The following GDAP1 variants were observed in gnomAD, a reference collection of about 807,000 sequenced individuals.
GDAP1 encodes the protein ganglioside-induced differentiation-associated protein 1.
Under a neutral mutation model 40.1 loss-of-function variants are expected in GDAP1, and 34 were observed. The observed-to-expected ratio is 0.85, with a 90% confidence interval of 0.64 to 1.13. GDAP1 has a LOEUF of 1.13. GDAP1 is among the 50% of genes most tolerant of loss of function. GDAP1 has a pLI of 0.00. For missense variants in GDAP1, 374 were observed against 433.7 expected (o/e 0.86, Z 1.22); for synonymous variants, 170 against 157.4 (o/e 1.08, Z -0.60).
intron 2 of GDAP1, among the ~76,000 whole-genome samples, chr8:74,390,436 T>A (rs1170654920): frequency 2.6e-5 from 4 of 152,236 alleles, no homozygotes; most frequent in Non-Finnish European, 5.9e-5. Flanking sequence ...CAGTCAGGAC[T>A]GTCTGCTGCA....
chr8:74,362,293 C>T (rs978258090), intron 4 of GDAP1, among the ~76,000 whole-genome samples: 2 of 152,170 alleles, frequency 1.3e-5, no homozygotes, highest in Non-Finnish European at 2.9e-5. Flanking sequence ...CCTCGCTAGA[C>T]CTACATCCCT....
intron 2 of GDAP1, among the ~76,000 whole-genome samples, chr8:74,431,493 A>T (rs1249508657): frequency 4.6e-5 from 7 of 151,068 alleles, no homozygotes; most frequent in African/African-American, 1.7e-4. Context: ...TTATTTATTT[A>T]TTTTTTGAGA....
At chr8:74,458,411 G>A (rs531337862) in intron 2 of GDAP1, among the ~76,000 whole-genome samples, 1 of 152,292 alleles carries the variant, frequency 6.6e-6, no homozygotes, top group South Asian at 2.1e-4. Flanking sequence ...GTTTACAGTT[G>A]TTGGCCCATG....
intron 2 of GDAP1, among the ~76,000 whole-genome samples, chr8:74,406,151 T>C (rs1422035650): frequency 6.7e-6 from 1 of 150,292 alleles, no homozygotes; most frequent in Non-Finnish European, 1.5e-5. Context: ...CCTGACCTTG[T>C]CTTAGTTTAA....
chr8:74,350,480 G>C lies in GDAP1; in HGVS notation c.19G>C (p.Glu7Gln). The change falls in exon 1 of 6, where the codon GAG becomes CAG. Residue 7 changes from glutamate (E) to glutamine (Q), a missense_variant. Coordinates refer to ENST00000220822, the MANE Select transcript of GDAP1 (RefSeq NM_018972.4). ...CCCCAAGATGGCTGAGAGGCAGGAA[G>C]AGCAGAGAGGGAGCCCGCCCTTGAG... Reference protein sequence around the residue: MAERQEEQRGSPPLRAE... With the variant: MAERQEQQRGSPPLRAE... 1 of 1,611,820 alleles carries C rather than the reference G, an allele frequency of 6.2e-7. No individual in the cohort carries two copies. The highest frequency in any genetic ancestry group is 8.5e-7 in the Non-Finnish European group (1 of 1,178,354).
intron 2 of GDAP1, among the ~76,000 whole-genome samples, chr8:74,488,462 T>C (rs1806803067): frequency 6.6e-6 from 1 of 152,142 alleles, no homozygotes; most frequent in Non-Finnish European, 1.5e-5. Context: ...AAGAATGACA[T>C]TTCTTGGACT....
chr8:74,475,166 G>A (rs1001559699), intron 2 of GDAP1, among the ~76,000 whole-genome samples: 4 of 151,396 alleles, frequency 2.6e-5, no homozygotes, highest in Non-Finnish European at 5.9e-5. Context: ...TGATCTTCTT[G>A]CTTTTCTTTT....
At chr8:74,473,483 G>A (rs1344884387) in intron 2 of GDAP1, among the ~76,000 whole-genome samples, 1 of 152,128 alleles carries the variant, frequency 6.6e-6, no homozygotes, top group Non-Finnish European at 1.5e-5. Flanking sequence ...TATGGTGTAT[G>A]GAAAGGGTTC....
intron 2 of GDAP1, among the ~76,000 whole-genome samples, chr8:74,467,851 A>G (rs936502992): frequency 1.3e-5 from 2 of 152,206 alleles, no homozygotes; most frequent in Non-Finnish European, 2.9e-5. Flanking sequence ...ATACACACAC[A>G]TACCGTAAAA....
intron 2 of GDAP1, among the ~76,000 whole-genome samples, chr8:74,371,906 A>C: frequency 6.6e-6 from 1 of 151,390 alleles, no homozygotes; most frequent in Non-Finnish European, 1.5e-5. Flanking sequence ...TATATCTCCT[A>C]ATGCTACCCC....
At position 74,439,030 on chromosome 8, in the gene GDAP1, A is replaced by G. The variant is rs1467959070; in HGVS notation, c.166-49648A>G. On this transcript the variant is annotated intron_variant, in intron 2 of 2. Coordinates refer to the GDAP1 transcript ENST00000523640. ...CATACGTGTGTGTATGTGTATGTGT[A>G]TATATATGTGTGTGTGTGTGTGTGT... Among the ~76,000 whole-genome samples, 4 of 124,458 alleles carry G rather than the reference A, an allele frequency of 3.2e-5. No homozygotes were observed. In the East Asian group the frequency reaches 7.3e-4, roughly 23 times the overall value. 81.6% of individuals were successfully genotyped at this position (124,458 alleles called of 152,430 possible).
intron 2 of GDAP1, among the ~76,000 whole-genome samples, chr8:74,455,595 C>T (rs1214628016): frequency 2.0e-5 from 3 of 151,890 alleles, no homozygotes; most frequent in African/African-American, 7.2e-5. Context: ...CATTTGAGTT[C>T]AGGCTTTGAA....
At chr8:74,464,803 T>C (rs1806447649) in intron 2 of GDAP1, among the ~76,000 whole-genome samples, 1 of 152,230 alleles carries the variant, frequency 6.6e-6, no homozygotes, top group Non-Finnish European at 1.5e-5. Context: ...TAATTTCATA[T>C]TCAAACCTAA....
At chr8:74,405,285 G>A (rs1805624593) in intron 2 of GDAP1, among the ~76,000 whole-genome samples, 1 of 150,104 alleles carries the variant, frequency 6.7e-6, no homozygotes, top group African/African-American at 2.5e-5. Flanking sequence ...ACCTGGCCTG[G>A]CCCTTGACAC....
intron 2 of GDAP1, among the ~76,000 whole-genome samples, chr8:74,415,895 C>T (rs1372696090): frequency 2.7e-5 from 4 of 149,528 alleles, no homozygotes; most frequent in East Asian, 1.9e-4. Context: ...GGATTTCAAC[C>T]CTACTTGAGA....
chr8:74,479,385 T>G (rs1806677669), intron 2 of GDAP1, among the ~76,000 whole-genome samples: 1 of 152,200 alleles, frequency 6.6e-6, no homozygotes, highest in Non-Finnish European at 1.5e-5. Flanking sequence ...TTTTTCCCAC[T>G]TAGCTTTCAT....
At chr8:74,379,910 C>G (rs925228363) in intron 2 of GDAP1, among the ~76,000 whole-genome samples, 1 of 152,150 alleles carries the variant, frequency 6.6e-6, no homozygotes, top group Admixed American at 6.5e-5. Context: ...GGGACCTCAC[C>G]CCCAACATAA....
chr8:74,367,061 A>G (rs1586810515), downstream of GDAP1: 1 of 230,748 alleles, frequency 4.3e-6, no homozygotes, highest in Middle Eastern at 1.7e-3. Flanking sequence ...ATGCACGGTT[A>G]AAATGAATAG....
At chr8:74,371,463 A>G (rs905037506), downstream of GDAP1, among the ~76,000 whole-genome samples, 1 of 152,044 alleles carries the variant, frequency 6.6e-6, no homozygotes, top group Non-Finnish European at 1.5e-5. Flanking sequence ...GATCGAGACC[A>G]TTCTGGCTAA....
Sources: gnomAD v4.1 joint callset for allele counts (sites outside exome capture counted in the v4.1 genomes callset) on GRCh38, gnomAD v4.1.1 for gene constraint, MANE v1.5 for transcripts, NCBI Gene and HGNC (gene_info 2026-07-23, HGNC 2026-07-21) for gene names.